The following ZBTB8B variants were observed in gnomAD, a reference collection of about 807,000 sequenced individuals.
ZBTB8B encodes zinc finger and BTB domain-containing protein 8B.
ZBTB8B carries 17 observed loss-of-function variants against 30.3 expected under a neutral mutation model. That is an observed-to-expected ratio of 0.56 (90% CI 0.38 to 0.84). ZBTB8B has a LOEUF of 0.84. ZBTB8B is among the 40% of genes least tolerant of loss of function. The pLI, the probability that ZBTB8B is intolerant of heterozygous loss-of-function variation, is 0.00. For missense variants in ZBTB8B, 515 were observed against 644.9 expected, an observed-to-expected ratio of 0.80 and a Z score of 2.18; for synonymous variants, 248 against 255.6, an observed-to-expected ratio of 0.97 and a Z score of 0.28.
chr1:32,476,302 T>C (rs1643664872), intron 2 of ZBTB8B, among the ~76,000 whole-genome samples: 1 of 152,042 alleles, frequency 6.6e-6, no homozygotes, highest in Non-Finnish European at 1.5e-5. Context: ...TGCCTGGTCA[T>C]AGGGGGGTTT....
rs774509172 is a variant in ZBTB8B, at chr1:32,481,021, C to T, written c.1122C>T (p.Cys374=). The T allele has an allele frequency of 3.1e-5, 48 of 1,552,046 alleles. No individual in the cohort carries two copies. Among genetic ancestry groups the T allele is most frequent in the East Asian group, 1.2e-4 (5 of 40,960 alleles). ...TGERPYPCET[C]GKRFTRQEHL... is the part of the protein sequence containing the mutation. ...AGCGGCCCTACCCCTGTGAGACCTG[C>T]GGCAAGAGGTTCACTCGACAAGAGC... is the stretch of plus-strand genomic sequence containing the variant. The change falls in exon 3 of 4, where the codon TGC becomes TGT. Residue 374 remains cysteine (C), a synonymous_variant. Transcript: ENST00000609129.
intron 2 of ZBTB8B, among the ~76,000 whole-genome samples, chr1:32,472,157 A>G (rs921951839): frequency 2.0e-5 from 3 of 152,184 alleles, no homozygotes; most frequent in African/African-American, 7.2e-5. Context: ...ATATGCATTA[A>G]TTGAGCACCT....
chr1:32,483,071 G>A (rs1643718019), intron 3 of ZBTB8B, among the ~76,000 whole-genome samples: 1 of 151,404 alleles, frequency 6.6e-6, no homozygotes, highest in African/African-American at 2.4e-5. Context: ...ATCGGCTGGA[G>A]TTCCTGAAAA....
At chr1:32,485,006 C>G (rs1384710485) in intron 3 of ZBTB8B, 95 bp from the exon 4 acceptor site, 1 of 1,216,794 alleles carries the variant, frequency 8.2e-7, no homozygotes, top group African/African-American at 1.5e-5. Context: ...AAAAAGGAAT[C>G]GGGAGGATCA....
rs569925711 is a variant in ZBTB8B at position 32,485,334 on chromosome 1, T to C, written c.1404T>C (p.Gly468=). 190 of 1,551,882 alleles carry C rather than the reference T, an allele frequency of 1.2e-4. No homozygotes were observed. The East Asian group carries it at 4.3e-3, about 35-fold the overall frequency. The change falls in exon 4 of 4, where the codon GGT becomes GGC. Residue 468 remains glycine (G), a synonymous_variant. Transcript: ENST00000609129. ...DNDWPIYVES[G]EENDPAGDDS... ...ACTGGCCAATCTATGTGGAGTCGGG[T>C]GAGGAAAATGACCCTGCTGGAGATG...
Position 32,494,802 on chromosome 1 carries a change from C to T in ZBTB8B, c.*9384C>T, listed in dbSNP as rs568451000. On this transcript the variant is annotated 3_prime_UTR_variant, in exon 4 of 4. Transcript: ENST00000609129. ...TTTTTCCAACCTCGCTGATTTTTTT[C>T]CTTCTTTCTTTTTTGAGACAGAGTT... 7 of 151,880 alleles carry T rather than the reference C, an allele frequency of 4.6e-5. No individual in the cohort carries two copies. Among genetic ancestry groups the T allele is most frequent in the African/African-American group, 1.4e-4 (6 of 41,426 alleles). The allele number at this position is 151,880 out of a possible 1,614,324, so 9.4% of individuals were successfully genotyped here. A position where few individuals can be genotyped will look rare whatever the true frequency, so the allele number is the denominator to read the frequency against.
rs1643778173 is a variant in ZBTB8B, at chr1:32,491,310, C to A, written c.*5892C>A. 6.6e-6 allele frequency: 1 copy of A among 152,112 alleles called. No homozygotes were observed. Among genetic ancestry groups the A allele is most frequent in the East Asian group, 1.9e-4 (1 of 5,188 alleles). 9.4% of individuals were successfully genotyped at this position (152,112 alleles called of 1,614,324 possible). ...TACCAAACAGTTTCACATCTTTTAC[C>A]ATCCATAGCCCCTGAGGAGCATCTA... On this transcript the variant is annotated 3_prime_UTR_variant, in exon 4 of 4. Transcript: ENST00000609129.
Position 32,471,308 on chromosome 1 carries a change from G to A in ZBTB8B, c.684G>A (p.Glu228=), listed in dbSNP as rs1192936466. The change falls in exon 2 of 4, where the codon GAG becomes GAA. Residue 228 remains glutamate (E), a synonymous_variant. Coordinates refer to ENST00000609129, the MANE Select transcript of ZBTB8B (RefSeq NM_001145720.2). ...TCTCTACTCCACCCAAACGGATAGAGCCCAAGGTGGAATTTGATGCTGATG... is the reference window on the plus strand; with the variant it reads ...TCTCTACTCCACCCAAACGGATAGAACCCAAGGTGGAATTTGATGCTGATG... The part of the protein sequence containing the change: ...SNLSTPPKRI[E]PKVEFDADEV... The A allele has an allele frequency of 1.0e-5, 16 of 1,551,840 alleles. No homozygotes were observed. Among genetic ancestry groups the A allele is most frequent in the African/African-American group, 1.4e-5 (1 of 73,192 alleles).
At position 32,490,452 on chromosome 1, in the gene ZBTB8B, C is replaced by T. The variant is rs1643771848; in HGVS notation, c.*5034C>T. Reference sequence around the variant, plus strand: ...ACTCAACAGTACTGTGTTCCACAAACCTTTCATTGTAGTGCTGGAAATTTG... The same window carrying T: ...ACTCAACAGTACTGTGTTCCACAAATCTTTCATTGTAGTGCTGGAAATTTG... On this transcript the variant is annotated 3_prime_UTR_variant, in exon 4 of 4. Transcript: ENST00000609129. 1 of 152,162 alleles carries T rather than the reference C, an allele frequency of 6.6e-6. No homozygotes were observed. The highest frequency in any genetic ancestry group is 2.4e-5 in the African/African-American group (1 of 41,446). 9.4% of individuals were successfully genotyped at this position (152,162 alleles called of 1,614,324 possible).
chr1:32,481,063 A>C lies in ZBTB8B; in HGVS notation c.1164A>C (p.Ala388=), dbSNP rs1643701193. 6.4e-7 allele frequency: 1 copy of C among 1,551,170 alleles called. No homozygotes were observed. The highest frequency in any genetic ancestry group is 2.0e-5 in the Admixed American group (1 of 50,970). ...FTRQEHLRSH[A]LSVHRSNRPI... is the part of the protein sequence containing the mutation. ...GACAAGAGCACCTGCGGAGCCACGC[A>C]CTGAGTGTAAGTGTTCGAGCTGGCC... Residue 388 remains alanine, a synonymous_variant, in exon 3 of 4, where the codon GCA becomes GCC. Transcript: ENST00000609129.
Position 32,492,193 on chromosome 1 carries a change from G to A in ZBTB8B, c.*6775G>A, listed in dbSNP as rs1643783753. 6.6e-6 allele frequency: 1 copy of A among 152,108 alleles called. No homozygotes were observed. Among genetic ancestry groups the A allele is most frequent in the Non-Finnish European group, 1.5e-5 (1 of 68,134 alleles). The allele number at this position is 152,108 out of a possible 1,614,324, so 9.4% of individuals were successfully genotyped here. A position where few individuals can be genotyped will look rare whatever the true frequency, so the allele number is the denominator to read the frequency against. ...GTGAGTATAGTATGTCGTACTGTAG[G>A]GACATTATTGAATGGACATGTCTGA... On this transcript the variant is annotated 3_prime_UTR_variant, in exon 4 of 4. Transcript: ENST00000609129.
At chr1:32,470,512 A>AAAAG in intron 1 of ZBTB8B, 72 bp from the exon 2 acceptor site, 3 of 1,083,148 alleles carry the variant, frequency 2.8e-6, no homozygotes, top group East Asian at 7.1e-5. Flanking sequence ...AAAAAAAAAA[A>AAAAG]AAAAAAAAAA....
intron 1 of ZBTB8B, among the ~76,000 whole-genome samples, chr1:32,467,602 G>A: frequency 6.6e-6 from 1 of 152,148 alleles, no homozygotes; most frequent in South Asian, 2.1e-4. Flanking sequence ...AAGCAGTTAA[G>A]AAATGAATAT....
rs770694015 is a variant in ZBTB8B, at chr1:32,487,146, T to C, written c.*1728T>C. 7.9e-5 allele frequency: 12 copies of C among 152,196 alleles called. No homozygotes were observed. The highest frequency in any genetic ancestry group is 1.5e-4 in the Non-Finnish European group (10 of 68,038). 9.4% of individuals were successfully genotyped at this position (152,196 alleles called of 1,614,324 possible). ...TAAAAGTCACTTTTATTTCTACCTCTTGAACAACAAAAAAGTCAAAAACAT... is the reference window on the plus strand; with the variant it reads ...TAAAAGTCACTTTTATTTCTACCTCCTGAACAACAAAAAAGTCAAAAACAT... On this transcript the variant is annotated 3_prime_UTR_variant, in exon 4 of 4. Transcript: ENST00000609129.
intron 3 of ZBTB8B, among the ~76,000 whole-genome samples, chr1:32,481,901 C>T (rs550449789): frequency 2.0e-5 from 3 of 152,310 alleles, no homozygotes; most frequent in African/African-American, 7.2e-5. Context: ...GGATAATAGC[C>T]TCCAGCTCTA....
chr1:32,467,695 T>C (rs1643582374), intron 1 of ZBTB8B, among the ~76,000 whole-genome samples: 1 of 152,198 alleles, frequency 6.6e-6, no homozygotes, highest in African/African-American at 2.4e-5. Flanking sequence ...AAGACATGGC[T>C]CATGCTTTCA....
At position 32,471,396 on chromosome 1, in the gene ZBTB8B, G is replaced by A. The variant is rs1351303428; in HGVS notation, c.772G>A (p.Val258Met). The A allele has an allele frequency of 1.2e-5, 19 of 1,551,730 alleles. No individual in the cohort carries two copies. In the East Asian group the frequency reaches 3.2e-4, roughly 26 times the overall value. ...TGCTGCCCCGCTGAACCTGGCCCAC[G>A]TGGAGGAGGCCTTGCCAAGCGGCCA... Reference protein sequence around the residue: ...QYAAPLNLAHVEEALPSGQAV... With the variant: ...QYAAPLNLAHMEEALPSGQAV... The change falls in exon 2 of 4, where the codon GTG becomes ATG. Residue 258 changes from valine (V) to methionine (M), a missense_variant. This residue lies in a region of ZBTB8B where 429 missense variants were observed against 504.3 expected (regional missense o/e 0.85). Transcript: ENST00000609129.
chr1:32,492,883 C>T lies in ZBTB8B; in HGVS notation c.*7465C>T, dbSNP rs934383227. 6.6e-6 allele frequency: 1 copy of T among 152,022 alleles called. No individual in the cohort carries two copies. The allele number at this position is 152,022 out of a possible 1,614,324, so 9.4% of individuals were successfully genotyped here. ...ACAAGCACAGGGTACTCTGAGAACG[C>T]GTGGGTCGGGTACCTAGCCAGTCAT... On this transcript the variant is annotated 3_prime_UTR_variant, in exon 4 of 4. Coordinates refer to ENST00000609129, the MANE Select transcript of ZBTB8B (RefSeq NM_001145720.2).
Position 32,480,953 on chromosome 1 carries a change from CAG to C in ZBTB8B, c.1056_1057del (p.Lys353GlyfsTer19). On this transcript the variant is annotated frameshift_variant, in exon 3 of 4. Transcript: ENST00000609129. LOFTEE classifies it high-confidence loss of function. ...TCCTTTCTGCCCTTACACTGCCAAA[CAG>C]AAGGGCATCCTCAAGCGGCACATCC... is the stretch of plus-strand genomic sequence containing the variant. ...KCPFCPYTAKQKGILKRHIRS... is the reference protein window; with the variant it reads ...KCPFCPYTAKXKGILKRHIRS... 6.4e-7 allele frequency: 1 copy of C among 1,552,206 alleles called. No individual in the cohort carries two copies. Among genetic ancestry groups the C allele is most frequent in the Non-Finnish European group, 8.7e-7 (1 of 1,147,142 alleles).
Sources: gnomAD v4.1 joint callset for allele counts (sites outside exome capture counted in the v4.1 genomes callset) on GRCh38, gnomAD v4.1.1 for gene constraint, gnomAD v4.1.1 regional missense constraint, MANE v1.5 for transcripts, NCBI Gene and HGNC (gene_info 2026-07-23, HGNC 2026-07-21) for gene names.